Variants in ZFP1 observed in about 807,000 individuals in gnomAD.
ZFP1 encodes zinc finger protein 1 homolog.
In ZFP1, 32 loss-of-function variants were observed where a neutral mutation model predicts 38.5. The observed-to-expected ratio is 0.83, with a 90% CI of 0.63 to 1.12. The LOEUF (loss-of-function observed/expected upper bound fraction) is 1.12. Ranked by LOEUF, ZFP1 falls within the 50% of genes most tolerant of loss-of-function variation. The probability of loss-of-function intolerance (pLI) is 0.00; values close to 1 mark genes in which losing one functional copy is unlikely to be tolerated. For missense variants in ZFP1, 616 were observed against 480.8 expected (o/e 1.28, Z -2.63); for synonymous variants, 245 against 168.8 (o/e 1.45, Z -3.50).
rs1567547712 is a variant in ZFP1 at position 75,171,307 on chromosome 16, GA to G, written c.*974del. 1 of 152,092 alleles carries G rather than the reference GA, an allele frequency of 6.6e-6. No homozygotes were observed. The highest frequency in any genetic ancestry group is 1.5e-5 in the Non-Finnish European group (1 of 68,016). 9.4% of individuals were successfully genotyped at this position (152,092 alleles called of 1,614,324 possible). A position where few individuals can be genotyped will look rare whatever the true frequency, so the allele number is the denominator to read the frequency against. On this transcript the variant is annotated 3_prime_UTR_variant, in exon 4 of 4. Coordinates refer to ENST00000570010, the MANE Select transcript of ZFP1 (RefSeq NM_153688.4). The stretch of plus-strand genomic sequence containing the variant: ...TGTAGTTCACAAATGTTACATTTCA[GA>G]GACTTTAGAGGAAAAATTATTTTAA...
chr16:75,138,902 A>C, the ZFP1 span, among the ~76,000 whole-genome samples: 1 of 152,202 alleles, frequency 6.6e-6, no homozygotes, highest in Non-Finnish European at 1.5e-5. Context: ...TTGTGATGAC[A>C]GCTCTAGGAA....
upstream of ZFP1, among the ~76,000 whole-genome samples, chr16:75,148,275 G>C (rs973619256): frequency 1.1e-4 from 16 of 152,278 alleles, no homozygotes; most frequent in Non-Finnish European, 2.4e-4. Flanking sequence ...TAAGGGGGAG[G>C]TGGTGAATTG....
chr16:75,146,677 C>T (rs941979896), upstream of ZFP1, among the ~76,000 whole-genome samples: 8 of 152,040 alleles, frequency 5.3e-5, no homozygotes, highest in Admixed American at 3.3e-4. Context: ...AGTGGCTCAT[C>T]CCTATAATCC....
chr16:75,125,027 C>T, the ZFP1 span, among the ~76,000 whole-genome samples: 35 of 151,770 alleles, frequency 2.3e-4, no homozygotes, highest in East Asian at 5.9e-4. Flanking sequence ...TTTGGGAGGC[C>T]GAGGTGGGTG....
rs1286475747 is a variant in ZFP1, at chr16:75,157,922, C to T, written c.15+4956C>T. 2.0e-5 allele frequency among the ~76,000 whole-genome samples: 3 copies of T among 151,826 alleles called. 1 individual carries two copies. In the East Asian group the frequency reaches 5.8e-4, roughly 29 times the overall value. On this transcript the variant is annotated intron_variant, in intron 2 of 3. Coordinates refer to ENST00000570010, the MANE Select transcript of ZFP1 (RefSeq NM_153688.4). ...GTGATCCTCCCAGTATTTGGAACTA[C>T]AGGCGTGTACCACCATGCTCAGGCA...
At chr16:75,148,055 TGGGAAAAAA>T (rs1247155636), upstream of ZFP1, among the ~76,000 whole-genome samples, 4 of 152,180 alleles carry the variant, frequency 2.6e-5, no homozygotes, top group African/African-American at 4.8e-5. Context: ...CAAAGTGGCC[TGGGAAAAAA>T]GGGAAAAAAG....
chr16:75,161,506 A>G (rs985573953), intron 2 of ZFP1, among the ~76,000 whole-genome samples: 1 of 151,062 alleles, frequency 6.6e-6, no homozygotes, highest in Non-Finnish European at 1.5e-5. Flanking sequence ...GCAAGTAATT[A>G]TTTATTTTGT....
the ZFP1 span, among the ~76,000 whole-genome samples, chr16:75,124,647 C>G: frequency 1.1e-4 from 16 of 150,102 alleles, 2 homozygotes; most frequent in South Asian, 6.3e-4. Context: ...ATTAGCTGGA[C>G]GTGGCGGCAG....
At chr16:75,166,414 T>G (rs1423602294) in intron 2 of ZFP1, 1 of 328,080 alleles carries the variant, frequency 3.0e-6, no homozygotes, top group African/African-American at 2.3e-5. Context: ...TTAGTAGAGA[T>G]GGGATTTCAC....
chr16:75,147,134 T>A (rs1292837846), upstream of ZFP1, among the ~76,000 whole-genome samples: 1 of 151,962 alleles, frequency 6.6e-6, no homozygotes, highest in Non-Finnish European at 1.5e-5. Flanking sequence ...GTGGGATGGA[T>A]GAATAAATGG....
At chr16:75,139,261 C>A in the ZFP1 span, among the ~76,000 whole-genome samples, 4 of 144,856 alleles carry the variant, frequency 2.8e-5, no homozygotes, top group African/African-American at 1.0e-4. Flanking sequence ...CCCAGCTACT[C>A]GGGAGGCTGA....
intron 2 of ZFP1, among the ~76,000 whole-genome samples, chr16:75,162,806 C>T (rs1164519159): frequency 6.6e-6 from 1 of 152,182 alleles, no homozygotes; most frequent in Non-Finnish European, 1.5e-5. Flanking sequence ...TAATACCCTC[C>T]ACCTGCATCC....
chr16:75,169,215 A>C (rs747219973), intron 3 of ZFP1, 38 bp from the exon 4 acceptor site: 4 of 1,559,542 alleles, frequency 2.6e-6, no homozygotes, highest in Non-Finnish European at 2.6e-6. Context: ...TAGCGGAGGC[A>C]TTGACAAGGT....
chr16:75,161,867 C>G (rs11149803), intron 2 of ZFP1, among the ~76,000 whole-genome samples: 30,573 of 140,902 alleles, frequency 0.22, 4,043 homozygotes, highest in Non-Finnish European at 0.3. Context: ...TCACTGCACC[C>G]TCCACCTCCC....
chr16:75,170,573 C>A lies in ZFP1; in HGVS notation c.*239C>A. The A allele has an allele frequency of 2.2e-6, 1 of 464,758 alleles. No individual in the cohort carries two copies. Among genetic ancestry groups the A allele is most frequent in the South Asian group, 7.9e-5 (1 of 12,692 alleles). The allele number at this position is 464,758 out of a possible 1,614,324, so 28.8% of individuals were successfully genotyped here. On this transcript the variant is annotated 3_prime_UTR_variant, in exon 4 of 4. Coordinates refer to ENST00000570010, the MANE Select transcript of ZFP1 (RefSeq NM_153688.4). ...TAAATAGCCATACCCAGTTGTACTACAATGAGCTTTTTAAAATCTTGAATG... is the reference window on the plus strand; with the variant it reads ...TAAATAGCCATACCCAGTTGTACTAAAATGAGCTTTTTAAAATCTTGAATG...
intron 2 of ZFP1, among the ~76,000 whole-genome samples, chr16:75,159,381 C>T (rs1567530609): frequency 9.3e-6 from 1 of 107,750 alleles, no homozygotes; most frequent in Non-Finnish European, 1.8e-5. Flanking sequence ...CCCTCCCTTC[C>T]TTCCTTTCTC....
chr16:75,148,580 T>A lies in ZFP1; in HGVS notation c.-107T>A, dbSNP rs984722401. 1 of 152,308 alleles carries A rather than the reference T, an allele frequency of 6.6e-6. No individual in the cohort carries two copies. Among genetic ancestry groups the A allele is most frequent in the African/African-American group, 2.4e-5 (1 of 41,472 alleles). The allele number at this position is 152,308 out of a possible 1,614,324, so 9.4% of individuals were successfully genotyped here. A position where few individuals can be genotyped will look rare whatever the true frequency, so the allele number is the denominator to read the frequency against. ...GACAGAGCCCCCGTCTCCGCGCGTC[T>A]TCGCCGCCCTGCGCCGTGACCCGCT... On this transcript the variant is annotated 5_prime_UTR_variant, in exon 1 of 4. Transcript: ENST00000570010.
chr16:75,166,011 A>AT (rs1401965155), intron 2 of ZFP1, among the ~76,000 whole-genome samples: 3 of 152,256 alleles, frequency 2.0e-5, no homozygotes, highest in Admixed American at 6.5e-5. Context: ...TTTTAAAAAA[A>AT]TTTTCTACCA....
intron 2 of ZFP1, among the ~76,000 whole-genome samples, chr16:75,155,406 C>T (rs1011430317): frequency 3.3e-5 from 5 of 152,174 alleles, no homozygotes; most frequent in Admixed American, 2.0e-4. Flanking sequence ...AAAGTGCTGG[C>T]ATTACAGGTG....
Sources: gnomAD v4.1 joint callset for allele counts (sites outside exome capture counted in the v4.1 genomes callset) on GRCh38, gnomAD v4.1.1 for gene constraint, MANE v1.5 for transcripts, NCBI Gene and HGNC (gene_info 2026-07-23, HGNC 2026-07-21) for gene names.